OPCML: variants seen among roughly 807,000 people sequenced by gnomAD.
OPCML encodes the protein opioid-binding protein/cell adhesion molecule.
OPCML carries 13 observed loss-of-function variants against 37.8 expected under a neutral mutation model. The observed-to-expected ratio is 0.34, with a 90% confidence interval of 0.22 to 0.55. The LOEUF (loss-of-function observed/expected upper bound fraction) is 0.55. OPCML is among the 20% of genes least tolerant of loss of function. OPCML has a pLI of 0.91. For synonymous variants in OPCML, 176 were observed against 168.8 expected (o/e 1.04, Z -0.33); for missense variants, 341 against 435.6 (o/e 0.78, Z 1.93).
At chr11:132,863,604 T>C (rs902554064) in intron 2 of OPCML, among the ~76,000 whole-genome samples, 1 of 152,156 alleles carries the variant, frequency 6.6e-6, no homozygotes, top group African/African-American at 2.4e-5. Context: ...CAGAACACGT[T>C]TTCTCCAAAG....
Position 132,940,916 on chromosome 11 carries a change from G to T in OPCML, c.146+2010C>A, listed in dbSNP as rs1374031331. On this transcript the variant is annotated intron_variant, in intron 2 of 7. Transcript: ENST00000524381. ...AAGATGACATGAGCTAAGAGAATGAGGATTTAAAGAGATTAAAATGTAGAT... is the reference window on the plus strand; with the variant it reads ...AAGATGACATGAGCTAAGAGAATGATGATTTAAAGAGATTAAAATGTAGAT... Among the ~76,000 whole-genome samples, 7 of 152,130 alleles carry T rather than the reference G, an allele frequency of 4.6e-5. No homozygotes were observed. In the East Asian group the frequency reaches 1.4e-3, roughly 29 times the overall value.
chr11:132,595,675 A>G lies in OPCML; in HGVS notation c.379+61412T>C, dbSNP rs536364359. ...AGGACCTGTGCATCCAGAACAAAAT[A>G]GCAATTTCCGTCCATGACATTTAAA... On this transcript the variant is annotated intron_variant, in intron 3 of 7. Coordinates refer to ENST00000524381, the MANE Select transcript of OPCML (RefSeq NM_001012393.5). Among the ~76,000 whole-genome samples, 39 of 152,316 alleles carry G rather than the reference A, an allele frequency of 2.6e-4. No homozygotes were observed. The South Asian group carries it at 7.9e-3, about 31-fold the overall frequency.
intron 2 of OPCML, among the ~76,000 whole-genome samples, chr11:132,665,374 A>G (rs962039469): frequency 1.3e-5 from 2 of 152,234 alleles, no homozygotes; most frequent in African/African-American, 4.8e-5. Flanking sequence ...CCACAAGCAC[A>G]GTGAGGGCTC....
At position 132,994,587 on chromosome 11, in the gene OPCML, G is replaced by A. The variant is rs138548844; in HGVS notation, c.62-51577C>T. On this transcript the variant is annotated intron_variant, in intron 1 of 7. Coordinates refer to ENST00000524381, the MANE Select transcript of OPCML (RefSeq NM_001012393.5). The stretch of plus-strand genomic sequence containing the variant: ...GCGGGGATTTTCACCTGTAAGCAGC[G>A]TTTGCAATCCCTCATGGCCCCAGGG... Among the ~76,000 whole-genome samples the A allele has an allele frequency of 5.8e-4, 88 of 152,234 alleles. No homozygotes were observed. In the East Asian group the frequency reaches 0.016, roughly 28 times the overall value.
intron 4 of OPCML, among the ~76,000 whole-genome samples, chr11:132,480,591 A>G (rs946392631): frequency 6.6e-6 from 1 of 152,202 alleles, no homozygotes; most frequent in African/African-American, 2.4e-5. Context: ...GTTGAAATGG[A>G]GGAAAAAATG....
intron 1 of OPCML, among the ~76,000 whole-genome samples, chr11:133,037,731 T>C (rs1947807747): frequency 6.6e-6 from 1 of 152,226 alleles, no homozygotes; most frequent in South Asian, 2.1e-4. Context: ...CACTGTTACC[T>C]TGCAATTAGC....
intron 1 of OPCML, among the ~76,000 whole-genome samples, chr11:133,210,203 C>T (rs1442517464): frequency 2.0e-5 from 3 of 152,150 alleles, no homozygotes; most frequent in Non-Finnish European, 4.4e-5. Context: ...CTGGGGGATA[C>T]ACAGTAATTG....
intron 2 of OPCML, among the ~76,000 whole-genome samples, chr11:132,707,548 G>A (rs1620329): frequency 0.51 from 78,166 of 152,008 alleles, 20,254 homozygotes; most frequent in Admixed American, 0.56. Flanking sequence ...TACAGATGAG[G>A]ACTTCTAGTA....
intron 1 of OPCML, among the ~76,000 whole-genome samples, chr11:133,253,930 T>C (rs1302058747): frequency 1.4e-5 from 2 of 146,954 alleles, no homozygotes; most frequent in African/African-American, 5.0e-5. Flanking sequence ...CCTTCCTTTC[T>C]TCCTTCCTTC....
At chr11:133,179,317 G>T (rs1161459339) in intron 1 of OPCML, among the ~76,000 whole-genome samples, 1 of 152,206 alleles carries the variant, frequency 6.6e-6, no homozygotes, top group Admixed American at 6.5e-5. Context: ...CCTAGTCTAG[G>T]ATAATAGACA....
chr11:133,000,961 C>A (rs1946989400), intron 1 of OPCML, among the ~76,000 whole-genome samples: 1 of 152,172 alleles, frequency 6.6e-6, no homozygotes, highest in Non-Finnish European at 1.5e-5. Flanking sequence ...TCCTTTCTTG[C>A]TCCCTCTCTC....
intron 1 of OPCML, among the ~76,000 whole-genome samples, chr11:133,039,278 G>A (rs577767246): frequency 3.3e-5 from 5 of 152,160 alleles, no homozygotes; most frequent in South Asian, 2.1e-4. Context: ...CTGCCCTCAC[G>A]TTTCCTTCTG....
chr11:132,962,063 A>G (rs1026423644), intron 1 of OPCML, among the ~76,000 whole-genome samples: 5 of 152,186 alleles, frequency 3.3e-5, no homozygotes, highest in African/African-American at 1.2e-4. Context: ...GTCTTTCTTT[A>G]TTCTCAGTAC....
intron 1 of OPCML, among the ~76,000 whole-genome samples, chr11:133,459,719 A>G (rs1946816828): frequency 6.6e-6 from 1 of 152,020 alleles, no homozygotes; most frequent in Admixed American, 6.6e-5. Context: ...GCTCCCAACT[A>G]TAAGATGTAA....
At chr11:132,846,285 C>T (rs368057157) in intron 2 of OPCML, among the ~76,000 whole-genome samples, 1 of 152,280 alleles carries the variant, frequency 6.6e-6, no homozygotes, top group Non-Finnish European at 1.5e-5. Context: ...AAAGGCTGAG[C>T]GCCCCCACTC....
At chr11:133,204,888 A>ATATATGTGTG (rs1555114227) in intron 1 of OPCML, among the ~76,000 whole-genome samples, 11 of 129,128 alleles carry the variant, frequency 8.5e-5, no homozygotes, top group Admixed American at 5.4e-4. Flanking sequence ...ATATATATAT[A>ATATATGTGTG]TATATATATA....
chr11:132,910,228 G>A (rs539769796), intron 2 of OPCML, among the ~76,000 whole-genome samples: 20 of 151,612 alleles, frequency 1.3e-4, no homozygotes, highest in Non-Finnish European at 7.4e-5. Context: ...TGCAGGCCTC[G>A]GGACTGGCAG....
intron 1 of OPCML, among the ~76,000 whole-genome samples, chr11:133,166,605 G>T (rs1027866118): frequency 5.3e-5 from 8 of 152,226 alleles, no homozygotes; most frequent in African/African-American, 1.9e-4. Context: ...GCCGAGAATT[G>T]TGTTTGAGTT....
At chr11:133,118,811 C>T (rs1407539913) in intron 1 of OPCML, among the ~76,000 whole-genome samples, 1 of 152,162 alleles carries the variant, frequency 6.6e-6, no homozygotes, top group Non-Finnish European at 1.5e-5. Context: ...CAATAAAGTG[C>T]TCTCTGGCAG....
Sources: allele counts gnomAD v4.1 joint callset (sites outside exome capture counted in the v4.1 genomes callset), GRCh38; gene constraint gnomAD v4.1.1; transcripts MANE v1.5; gene names NCBI Gene and HGNC (gene_info 2026-07-23, HGNC 2026-07-21).